Variants in COL8A1 observed in about 807,000 individuals in gnomAD.
The protein encoded by COL8A1 is collagen type VIII alpha 1 chain.
Under a neutral mutation model 42.7 loss-of-function variants are expected in COL8A1, and 21 were observed. The ratio of observed to expected loss-of-function variants is 0.49; its 90% confidence interval spans 0.35 to 0.71. COL8A1 has a LOEUF of 0.71. Ranked by LOEUF, COL8A1 falls within the 30% of genes least tolerant of loss-of-function variation. The pLI is 0.01. For synonymous variants in COL8A1, 367 were observed against 369.1 expected (o/e 0.99, Z 0.06); for missense variants, 788 against 962.4 (o/e 0.82, Z 2.40).
intron 1 of COL8A1, among the ~76,000 whole-genome samples, chr3:99,714,397 C>T (rs1053243321): frequency 2.0e-5 from 3 of 152,014 alleles, no homozygotes; most frequent in African/African-American, 7.2e-5. Context: ...GAAGCCTATC[C>T]CATAAAGTTC....
At position 99,706,985 on chromosome 3, in the gene COL8A1, G is replaced by A. The variant is rs1939696786; in HGVS notation, c.-128-37912G>A. 3 of 152,088 alleles carry A rather than the reference G, an allele frequency of 2.0e-5. No individual in the cohort carries two copies. The South Asian group carries it at 6.2e-4, about 32-fold the overall frequency. 9.4% of individuals were successfully genotyped at this position (152,088 alleles called of 1,614,324 possible). A position where few individuals can be genotyped will look rare whatever the true frequency, so the allele number is the denominator to read the frequency against. ...TGTTTAGCTCTCCTTGTTCTGAAAGGATCTGGATCAACTTACAATGATACA... is the reference window on the plus strand; with the variant it reads ...TGTTTAGCTCTCCTTGTTCTGAAAGAATCTGGATCAACTTACAATGATACA... On this transcript the variant is annotated intron_variant, in intron 1 of 3. Transcript: ENST00000652472.
chr3:99,681,170 A>G (rs528043443), intron 1 of COL8A1, among the ~76,000 whole-genome samples: 8 of 152,370 alleles, frequency 5.3e-5, no homozygotes, highest in African/African-American at 1.9e-4. Context: ...GCTTCTGCAC[A>G]GCAAAATAAA....
At chr3:99,660,303 T>C (rs1245398796) in intron 1 of COL8A1, among the ~76,000 whole-genome samples, 1 of 152,200 alleles carries the variant, frequency 6.6e-6, no homozygotes, top group East Asian at 1.9e-4. Context: ...TGCCTTTTTC[T>C]ACTTCTGGTC....
At chr3:99,729,939 G>T (rs560794723) in intron 1 of COL8A1, among the ~76,000 whole-genome samples, 1 of 152,110 alleles carries the variant, frequency 6.6e-6, no homozygotes, top group South Asian at 2.1e-4. Context: ...GAAACCTTGT[G>T]CCCAATTTAA....
intron 1 of COL8A1, among the ~76,000 whole-genome samples, chr3:99,654,910 T>C (rs1937967192): frequency 6.6e-6 from 1 of 152,028 alleles, no homozygotes; most frequent in African/African-American, 2.4e-5. Context: ...TCTTCTCAAG[T>C]TCTATTATCT....
chr3:99,735,527 T>C (rs2107391710), intron 1 of COL8A1, among the ~76,000 whole-genome samples: 1 of 149,858 alleles, frequency 6.7e-6, no homozygotes, highest in South Asian at 2.2e-4. Context: ...GATAAGCTTT[T>C]GGATGTGCTG....
intron 1 of COL8A1, among the ~76,000 whole-genome samples, chr3:99,641,780 AGAC>A (rs1937511396): frequency 6.6e-6 from 1 of 152,170 alleles, no homozygotes; most frequent in Admixed American, 6.6e-5. Context: ...CTCTTCAACC[AGAC>A]CCCTATAAAC....
At chr3:99,671,114 G>A (rs1287224988) in intron 1 of COL8A1, among the ~76,000 whole-genome samples, 2 of 151,814 alleles carry the variant, frequency 1.3e-5, no homozygotes, top group Non-Finnish European at 2.9e-5. Flanking sequence ...AAAAGAATAT[G>A]GAGCATGAAC....
intron 1 of COL8A1, among the ~76,000 whole-genome samples, chr3:99,656,826 A>G (rs952103366): frequency 6.6e-6 from 1 of 152,252 alleles, no homozygotes; most frequent in African/African-American, 2.4e-5. Context: ...CCAAGAGTGG[A>G]AAAATATCTT....
Position 99,798,618 on chromosome 3 carries a change from A to ATATATG in COL8A1, c.*2483_*2484insATATGT, listed in dbSNP as rs1414332316. The ATATATG allele has an allele frequency of 3.5e-5, 5 of 141,152 alleles. No individual in the cohort carries two copies. The highest frequency in any genetic ancestry group is 1.4e-4 in the African/African-American group (5 of 35,740). The allele number at this position is 141,152 out of a possible 1,614,324, so 8.7% of individuals were successfully genotyped here. ...CTCAATTGCCTATATATATATATAT[A>ATATATG]TGTGTGTGTGTGTGTGTGTGCGCGT... On this transcript the variant is annotated 3_prime_UTR_variant, in exon 4 of 4. Coordinates refer to ENST00000652472, the MANE Select transcript of COL8A1 (RefSeq NM_020351.4).
intron 2 of COL8A1, among the ~76,000 whole-genome samples, chr3:99,779,706 T>A (rs1576473984): frequency 6.6e-6 from 1 of 152,208 alleles, no homozygotes; most frequent in African/African-American, 2.4e-5. Context: ...GTCTTTACCT[T>A]GCCTTTCTTC....
intron 1 of COL8A1, among the ~76,000 whole-genome samples, chr3:99,694,131 CTAA>C (rs1939301583): frequency 6.6e-6 from 1 of 152,104 alleles, no homozygotes; most frequent in South Asian, 2.1e-4. Flanking sequence ...ACAAAACTGC[CTAA>C]TGACGCATTT....
chr3:99,791,211 C>G (rs1941994116), intron 3 of COL8A1, among the ~76,000 whole-genome samples: 1 of 152,186 alleles, frequency 6.6e-6, no homozygotes, highest in Non-Finnish European at 1.5e-5. Flanking sequence ...TTATGTTTTG[C>G]TTTATTATTT....
intron 1 of COL8A1, among the ~76,000 whole-genome samples, chr3:99,713,017 A>G (rs1939889365): frequency 6.6e-6 from 1 of 152,158 alleles, no homozygotes; most frequent in Non-Finnish European, 1.5e-5. Flanking sequence ...GTGCAATGTG[A>G]GCAAGGTGGA....
chr3:99,703,277 A>G (rs1003807012), intron 1 of COL8A1: 10 of 152,252 alleles, frequency 6.6e-5, no homozygotes, highest in Non-Finnish European at 1.3e-4. Context: ...CTCACAAGCT[A>G]TGAGATTTGC....
intron 2 of COL8A1, among the ~76,000 whole-genome samples, chr3:99,777,957 A>T (rs1004069445): frequency 2.0e-5 from 3 of 152,214 alleles, no homozygotes; most frequent in Non-Finnish European, 2.9e-5. Context: ...TTGTGTAAGA[A>T]AGTGAGCAGG....
chr3:99,755,191 A>C (rs1941230533), intron 2 of COL8A1, among the ~76,000 whole-genome samples: 1 of 152,206 alleles, frequency 6.6e-6, no homozygotes, highest in Non-Finnish European at 1.5e-5. Context: ...AACTTTAAAC[A>C]ACTTGAAAAA....
At chr3:99,757,738 A>G (rs1692281154) in intron 2 of COL8A1, among the ~76,000 whole-genome samples, 3 of 152,172 alleles carry the variant, frequency 2.0e-5, no homozygotes, top group Admixed American at 2.0e-4. Flanking sequence ...AGAAATGAAG[A>G]AGGAATTGAA....
At chr3:99,747,094 A>C (rs1941042460) in intron 2 of COL8A1, among the ~76,000 whole-genome samples, 1 of 152,176 alleles carries the variant, frequency 6.6e-6, no homozygotes, top group Non-Finnish European at 1.5e-5. Flanking sequence ...GATCATGATA[A>C]CTAATCTTTT....
Sources: gnomAD v4.1 joint callset for allele counts (sites outside exome capture counted in the v4.1 genomes callset) on GRCh38, gnomAD v4.1.1 for gene constraint, MANE v1.5 for transcripts, NCBI Gene and HGNC (gene_info 2026-07-23, HGNC 2026-07-21) for gene names.